Variants in ANKMY2 observed in about 807,000 individuals in gnomAD.
The protein encoded by ANKMY2 is ankyrin repeat and MYND domain-containing protein 2.
ANKMY2 carries 36 observed loss-of-function variants against 50.4 expected under a neutral mutation model. The observed-to-expected ratio is 0.71, with a 90% CI of 0.55 to 0.94. The LOEUF (loss-of-function observed/expected upper bound fraction) is 0.94, where lower values mean the gene tolerates loss of function less well. ANKMY2 is among the 40% of genes least tolerant of loss of function. The pLI is 0.00. For synonymous variants in ANKMY2, 187 were observed against 178.8 expected, an observed-to-expected ratio of 1.05 and a Z score of -0.36; for missense variants, 565 against 524.0, an observed-to-expected ratio of 1.08 and a Z score of -0.76.
chr7:16,612,460 A>G (rs983458701), intron 5 of ANKMY2, among the ~76,000 whole-genome samples: 1 of 152,202 alleles, frequency 6.6e-6, no homozygotes, highest in Non-Finnish European at 1.5e-5. Context: ...TCTCTACCAA[A>G]ACATACTTTG....
At chr7:16,643,104 C>T (rs557922314) in intron 1 of ANKMY2, among the ~76,000 whole-genome samples, 2 of 152,242 alleles carry the variant, frequency 1.3e-5, no homozygotes, top group East Asian at 3.9e-4. Flanking sequence ...TACTTTCATC[C>T]CCATAACAAC....
At chr7:16,615,658 G>A in intron 5 of ANKMY2, 86 bp downstream of exon 5, 2 of 1,546,708 alleles carry the variant, frequency 1.3e-6, no homozygotes, top group South Asian at 1.2e-5. Context: ...CCCACCCCAA[G>A]ACAATTATGA....
chr7:16,602,138 T>G (rs968042459), intron 9 of ANKMY2, among the ~76,000 whole-genome samples: 3 of 152,180 alleles, frequency 2.0e-5, no homozygotes, highest in Non-Finnish European at 4.4e-5. Context: ...TAAGCTAGAA[T>G]GTAAAATATG....
At chr7:16,603,176 A>G (rs1033489770) in intron 8 of ANKMY2, among the ~76,000 whole-genome samples, 11 of 152,362 alleles carry the variant, frequency 7.2e-5, no homozygotes, top group African/African-American at 2.2e-4. Context: ...TGAACCCGCT[A>G]TGTGCCAGAA....
At chr7:16,619,217 G>A (rs1484815565) in intron 4 of ANKMY2, among the ~76,000 whole-genome samples, 3 of 150,676 alleles carry the variant, frequency 2.0e-5, no homozygotes, top group Admixed American at 1.3e-4. Context: ...GCAATGGCGC[G>A]ATCTTGGCTC....
At chr7:16,609,050 G>A (rs1202248809) in intron 7 of ANKMY2, among the ~76,000 whole-genome samples, 1 of 152,114 alleles carries the variant, frequency 6.6e-6, no homozygotes, top group Non-Finnish European at 1.5e-5. Context: ...TGAATAGTAA[G>A]TCATTTAAAT....
intron 7 of ANKMY2, among the ~76,000 whole-genome samples, chr7:16,606,327 G>T (rs894791130): frequency 2.6e-5 from 4 of 152,066 alleles, no homozygotes; most frequent in South Asian, 4.1e-4. Flanking sequence ...TACTTGGGAG[G>T]CTGAGGCAGA....
chr7:16,637,527 G>A (rs980318920), intron 1 of ANKMY2, among the ~76,000 whole-genome samples: 7 of 152,158 alleles, frequency 4.6e-5, no homozygotes, highest in African/African-American at 1.7e-4. Context: ...CACGTCCCTG[G>A]AGTATGATAG....
intron 2 of ANKMY2, 75 bp downstream of exon 2, chr7:16,636,302 CAAAAAAAAAAAAAA>C (rs376207917): frequency 4.2e-5 from 9 of 214,420 alleles, no homozygotes; most frequent in African/African-American, 2.3e-4. Context: ...CACTCCATCT[CAAAAAAAAAAAAAA>C]AAAAAAAAAA....
In ANKMY2 at chr7:16,621,132, C is replaced by T. The variant is rs952422207; in HGVS notation, c.370+3851G>A. 2.6e-5 allele frequency among the ~76,000 whole-genome samples: 4 copies of T among 152,246 alleles called. No homozygotes were observed. In the East Asian group the frequency reaches 7.7e-4, roughly 29 times the overall value. On this transcript the variant is annotated intron_variant, in intron 4 of 9. Transcript: ENST00000306999. ...CTGTAATAAAAATAAGAAAAAAATA[C>T]AGAAATCAATAGCTTTTCTCTTTAT... is the stretch of plus-strand genomic sequence containing the variant.
chr7:16,619,449 C>T (rs1007133328), intron 4 of ANKMY2, among the ~76,000 whole-genome samples: 3 of 152,130 alleles, frequency 2.0e-5, no homozygotes, highest in South Asian at 2.1e-4. Flanking sequence ...CTACTGTGCC[C>T]GGCCTAATTA....
intron 5 of ANKMY2, among the ~76,000 whole-genome samples, chr7:16,614,623 G>T (rs1225354872): frequency 1.3e-5 from 2 of 152,174 alleles, no homozygotes; most frequent in African/African-American, 4.8e-5. Context: ...TTATATCTTT[G>T]AGTGAGTGTC....
chr7:16,629,237 C>A (rs1222785331), intron 2 of ANKMY2, among the ~76,000 whole-genome samples: 1 of 152,108 alleles, frequency 6.6e-6, no homozygotes, highest in African/African-American at 2.4e-5. Context: ...GAGTTTCTTT[C>A]CAGAAAGGTA....
At chr7:16,630,710 T>A (rs1192457043) in intron 2 of ANKMY2, among the ~76,000 whole-genome samples, 1 of 152,122 alleles carries the variant, frequency 6.6e-6, no homozygotes, top group African/African-American at 2.4e-5. Context: ...AGATGGATGG[T>A]GATACAAGTG....
chr7:16,606,149 G>C (rs1340938774), intron 7 of ANKMY2, among the ~76,000 whole-genome samples: 1 of 152,094 alleles, frequency 6.6e-6, no homozygotes, highest in African/African-American at 2.4e-5. Context: ...AATTATAAGG[G>C]GCTGGGTGTG....
Position 16,623,342 on chromosome 7 carries a change from T to A in ANKMY2, c.370+1641A>T, listed in dbSNP as rs1781467058. 2.0e-5 allele frequency among the ~76,000 whole-genome samples: 3 copies of A among 152,168 alleles called. No individual in the cohort carries two copies. The South Asian group carries it at 6.2e-4, about 31-fold the overall frequency. On this transcript the variant is annotated intron_variant, in intron 4 of 9. Coordinates refer to ENST00000306999, the MANE Select transcript of ANKMY2 (RefSeq NM_020319.3). ...CATTACTCTTATTTTAGGATAGGAT[T>A]GCAAACAATTTTTACTGTAGTAAAA...
At chr7:16,602,610 C>T in intron 8 of ANKMY2, 101 bp from the exon 9 acceptor site, 1 of 1,397,658 alleles carries the variant, frequency 7.2e-7, no homozygotes, top group Non-Finnish European at 9.6e-7. Context: ...TGTCATTTTC[C>T]ATACTTTATT....
At chr7:16,608,932 T>C (rs1781202717) in intron 7 of ANKMY2, among the ~76,000 whole-genome samples, 1 of 152,044 alleles carries the variant, frequency 6.6e-6, no homozygotes, top group African/African-American at 2.4e-5. Context: ...ACCTGGGAAA[T>C]GGAGGTTGCA....
chr7:16,643,507 A>AGCCTGGGTGAAGAGTGAG (rs1781773179), intron 1 of ANKMY2, among the ~76,000 whole-genome samples: 3 of 152,102 alleles, frequency 2.0e-5, no homozygotes, highest in African/African-American at 7.3e-5. Context: ...GGCATGGTCC[A>AGCCTGGGTGAAGAGTGAG]ATGAAAGCGA....
Sources: allele counts gnomAD v4.1 joint callset (sites outside exome capture counted in the v4.1 genomes callset), GRCh38; gene constraint gnomAD v4.1.1; transcripts MANE v1.5; gene names NCBI Gene and HGNC (gene_info 2026-07-23, HGNC 2026-07-21).